CDH13: variants seen among roughly 807,000 people sequenced by gnomAD.
The protein encoded by CDH13 is cadherin-13.
In CDH13, 24 loss-of-function variants were observed where a neutral mutation model predicts 63.8. That is an observed-to-expected ratio of 0.38 (90% CI 0.27 to 0.53). CDH13 has a LOEUF of 0.53. Ranked by LOEUF, CDH13 falls within the 20% of genes least tolerant of loss-of-function variation. The pLI is 0.85. For synonymous variants in CDH13, 503 were observed against 355.3 expected, an observed-to-expected ratio of 1.42 and a Z score of -4.67; for missense variants, 1,049 against 903.1, an observed-to-expected ratio of 1.16 and a Z score of -2.07.
chr16:83,484,767 T>A (rs185692940), intron 6 of CDH13, among the ~76,000 whole-genome samples: 1 of 152,310 alleles, frequency 6.6e-6, no homozygotes, highest in African/African-American at 2.4e-5. Context: ...AATAAAGTAT[T>A]GTGGCATGTT....
chr16:83,325,373 A>G (rs1385073175), intron 5 of CDH13, among the ~76,000 whole-genome samples: 1 of 152,112 alleles, frequency 6.6e-6, no homozygotes, highest in Non-Finnish European at 1.5e-5. Context: ...CTAGATGAAG[A>G]TTGACATTTC....
rs114866573 is a variant in CDH13 at position 83,554,698 on chromosome 16, A to T, written c.961-47756A>T. Among the ~76,000 whole-genome samples, 727 of 152,008 alleles carry T rather than the reference A, an allele frequency of 4.8e-3. 9 individuals are homozygous for T. The highest frequency in any genetic ancestry group is 0.017 in the African/African-American group (698 of 41,440). On this transcript the variant is annotated intron_variant, in intron 7 of 13. Coordinates refer to ENST00000567109, the MANE Select transcript of CDH13 (RefSeq NM_001257.5). ...TTACACACACACACGCACACACACA[A>T]ATACTTCTGCAAGGACATCTGCCCA...
intron 4 of CDH13, among the ~76,000 whole-genome samples, chr16:83,214,202 G>T (rs1263288074): frequency 6.6e-6 from 1 of 152,090 alleles, no homozygotes. Context: ...GAGAAGAGGT[G>T]AGTGTGCTTG....
chr16:83,056,075 C>T (rs114761719), intron 3 of CDH13, among the ~76,000 whole-genome samples: 149 of 152,268 alleles, frequency 9.8e-4, no homozygotes, highest in African/African-American at 3.5e-3. Context: ...AAGAGGATAT[C>T]TACATGACCA....
At chr16:83,598,756 A>G (rs1045226989) in intron 7 of CDH13, among the ~76,000 whole-genome samples, 1 of 152,184 alleles carries the variant, frequency 6.6e-6, no homozygotes, top group Non-Finnish European at 1.5e-5. Flanking sequence ...AACAAACTCC[A>G]TCTCTACCTC....
intron 5 of CDH13, among the ~76,000 whole-genome samples, chr16:83,286,082 C>T (rs1015889035): frequency 2.6e-5 from 4 of 152,126 alleles, no homozygotes; most frequent in African/African-American, 9.7e-5. Context: ...TGTTCCTCCT[C>T]CTTGTCTGGC....
rs541698099 is a variant in CDH13 at position 83,059,995 on chromosome 16, C to T, written c.366+27777C>T. Among the ~76,000 whole-genome samples the T allele has an allele frequency of 8.7e-4, 132 of 151,848 alleles. 1 individual carries two copies. The highest frequency in any genetic ancestry group is 2.8e-3 in the African/African-American group (114 of 41,436). ...ATTTAGAGTAGAGACGGGGTTTCAC[C>T]GTGTTAGCCAGGGTGGTCTTGATCT... is the stretch of plus-strand genomic sequence containing the variant. On this transcript the variant is annotated intron_variant, in intron 3 of 13. Transcript: ENST00000567109.
chr16:82,858,558 A>G, intron 2 of CDH13, 85 bp downstream of exon 2: 2 of 899,966 alleles, frequency 2.2e-6, no homozygotes, highest in Non-Finnish European at 3.7e-6. Flanking sequence ...AGGATGTGGT[A>G]TTTCCTAAAC....
At chr16:82,662,488 G>A (rs768268889) in intron 1 of CDH13, among the ~76,000 whole-genome samples, 1 of 152,190 alleles carries the variant, frequency 6.6e-6, no homozygotes, top group Non-Finnish European at 1.5e-5. Context: ...TGCCTCTTTA[G>A]AGACTGGTTA....
At chr16:82,773,125 C>T (rs1483418913) in intron 1 of CDH13, among the ~76,000 whole-genome samples, 7 of 152,132 alleles carry the variant, frequency 4.6e-5, no homozygotes, top group African/African-American at 7.2e-5. Context: ...CAGGCTGGCC[C>T]AAAACAAATG....
At chr16:83,230,260 C>T (rs1268371160) in intron 5 of CDH13, among the ~76,000 whole-genome samples, 1 of 152,116 alleles carries the variant, frequency 6.6e-6, no homozygotes, top group South Asian at 2.1e-4. Context: ...ATGTGAGGCT[C>T]TGGTAATTAG....
chr16:82,797,779 G>GTT (rs1009702327), intron 1 of CDH13, among the ~76,000 whole-genome samples: 9 of 145,970 alleles, frequency 6.2e-5, no homozygotes, highest in Admixed American at 6.1e-4. Context: ...AGGGCCGTGT[G>GTT]TGTGTGTGTG....
At chr16:83,462,057 G>C (rs953652816) in intron 6 of CDH13, among the ~76,000 whole-genome samples, 1 of 152,224 alleles carries the variant, frequency 6.6e-6, no homozygotes, top group Admixed American at 6.5e-5. Context: ...TAACCCAAGA[G>C]AAGTCACCAG....
intron 7 of CDH13, among the ~76,000 whole-genome samples, chr16:83,504,848 T>A (rs778720665): frequency 1.1e-4 from 16 of 152,182 alleles, no homozygotes; most frequent in Admixed American, 2.6e-4. Context: ...GAAAATATAT[T>A]CATACGAGCA....
intron 1 of CDH13, among the ~76,000 whole-genome samples, chr16:82,857,794 G>A (rs995777399): frequency 6.6e-5 from 10 of 151,944 alleles, no homozygotes; most frequent in African/African-American, 2.2e-4. Context: ...TCCTTATTTA[G>A]ACATTGAAAT....
At chr16:83,772,117 T>C (rs1278097905) in intron 11 of CDH13, among the ~76,000 whole-genome samples, 2 of 152,216 alleles carry the variant, frequency 1.3e-5, no homozygotes, top group Non-Finnish European at 2.9e-5. Context: ...ATGAGATGCC[T>C]ATTAAACTAT....
rs2036470457 is a variant in CDH13, at chr16:82,794,269, A to G, written c.46-64093A>G. Among the ~76,000 whole-genome samples the G allele has an allele frequency of 2.0e-5, 3 of 150,828 alleles. No individual in the cohort carries two copies. In the Admixed American group the frequency reaches 2.0e-4, roughly 10 times the overall value. ...CTTCTTCTTCCACTGTGGCCCAGGG[A>G]AGCCAAAAATTTGAAAACCCCTGGT... On this transcript the variant is annotated intron_variant, in intron 1 of 13. Transcript: ENST00000567109.
chr16:82,964,106 A>G (rs991265063), intron 2 of CDH13, among the ~76,000 whole-genome samples: 1 of 152,170 alleles, frequency 6.6e-6, no homozygotes, highest in African/African-American at 2.4e-5. Context: ...GAACAGGAGC[A>G]CACGCCAAAG....
intron 7 of CDH13, among the ~76,000 whole-genome samples, chr16:83,500,972 T>G (rs1386585971): frequency 1.3e-5 from 2 of 152,184 alleles, no homozygotes; most frequent in Admixed American, 6.5e-5. Flanking sequence ...TTTTTAAGAT[T>G]GCAGGGGAAG....
Sources: allele counts gnomAD v4.1 joint callset (sites outside exome capture counted in the v4.1 genomes callset), GRCh38; gene constraint gnomAD v4.1.1; transcripts MANE v1.5; gene names NCBI Gene and HGNC (gene_info 2026-07-23, HGNC 2026-07-21).